The following ATP10B variants were observed in gnomAD, a reference collection of about 807,000 sequenced individuals.
The protein encoded by ATP10B is ATPase phospholipid transporting 10B (putative), also known as phospholipid-transporting ATPase VB.
A neutral mutation model predicts 141.2 loss-of-function variants in ATP10B; 122 were observed. That is an observed-to-expected ratio of 0.86 (90% confidence interval 0.75 to 1.00). The LOEUF (loss-of-function observed/expected upper bound fraction) is 1.00. Ranked by LOEUF, ATP10B falls within the 50% of genes least tolerant of loss-of-function variation. The pLI is 0.00. For missense variants in ATP10B, 1,876 were observed against 1,825.3 expected (o/e 1.03, Z -0.51); for synonymous variants, 685 against 692.0 (o/e 0.99, Z 0.16).
At chr5:160,684,845 T>C (rs1190116196) in intron 6 of ATP10B, 1 of 696,726 alleles carries the variant, frequency 1.4e-6, no homozygotes. Flanking sequence ...CTGCTGTAGA[T>C]GAGGCACTCT....
intron 1 of ATP10B, among the ~76,000 whole-genome samples, chr5:160,814,268 A>C (rs1410159798): frequency 6.6e-6 from 1 of 152,212 alleles, no homozygotes; most frequent in Non-Finnish European, 1.5e-5. Context: ...AACTAGAATA[A>C]CCAATGCAGA....
chr5:160,776,145 G>T (rs1026719318), intron 2 of ATP10B, among the ~76,000 whole-genome samples: 1 of 152,170 alleles, frequency 6.6e-6, no homozygotes, highest in African/African-American at 2.4e-5. Flanking sequence ...GGATTTGATG[G>T]TATCATATCA....
chr5:160,817,219 G>T (rs922852081), intron 1 of ATP10B, among the ~76,000 whole-genome samples: 9 of 152,214 alleles, frequency 5.9e-5, no homozygotes, highest in Admixed American at 1.3e-4. Context: ...AATGGTCCCT[G>T]TTTGCAGATG....
In ATP10B at chr5:160,641,830, C is replaced by T. The variant is rs902967165; in HGVS notation, c.869-1238G>A. Reference sequence around the variant, plus strand: ...AGCAAACGGCTTTTATGCTGTTTAGCTGGTTGTCTTGTGGATTTAAAGTAG... The same window carrying T: ...AGCAAACGGCTTTTATGCTGTTTAGTTGGTTGTCTTGTGGATTTAAAGTAG... On this transcript the variant is annotated intron_variant, in intron 9 of 25. Transcript: ENST00000327245. Among the ~76,000 whole-genome samples the T allele has an allele frequency of 2.0e-5, 3 of 152,216 alleles. No individual in the cohort carries two copies. In the South Asian group the frequency reaches 6.2e-4, roughly 32 times the overall value.
At chr5:160,724,553 CTTAG>C (rs1481060093) in intron 2 of ATP10B, among the ~76,000 whole-genome samples, 1 of 152,162 alleles carries the variant, frequency 6.6e-6, no homozygotes, top group Non-Finnish European at 1.5e-5. Flanking sequence ...ATTTGTATCC[CTTAG>C]TTACTCTGCA....
chr5:160,891,060 A>G, the ATP10B span, among the ~76,000 whole-genome samples: 1 of 152,082 alleles, frequency 6.6e-6, no homozygotes, highest in Non-Finnish European at 1.5e-5. Context: ...ATTCTTTTGC[A>G]TGTATACTAA....
chr5:160,632,461 T>G, intron 12 of ATP10B, 94 bp from the exon 13 acceptor site: 4 of 1,191,492 alleles, frequency 3.4e-6, no homozygotes, highest in Non-Finnish European at 4.9e-6. Flanking sequence ...GGTAAGAGCA[T>G]GGGAAGGGCC....
the ATP10B span, among the ~76,000 whole-genome samples, chr5:160,860,009 G>A: frequency 6.6e-6 from 1 of 151,926 alleles, no homozygotes; most frequent in East Asian, 1.9e-4. Flanking sequence ...ATGAATAAAT[G>A]TATATTACTC....
chr5:160,673,538 T>C (rs2033460), intron 6 of ATP10B, among the ~76,000 whole-genome samples: 1 of 31,008 alleles, frequency 3.2e-5, no homozygotes, highest in Non-Finnish European at 7.2e-5. Flanking sequence ...GTTTTGTTTT[T>C]TTTTTTTTTT....
At chr5:160,913,481 A>C in the ATP10B span, among the ~76,000 whole-genome samples, 3 of 152,138 alleles carry the variant, frequency 2.0e-5, no homozygotes, top group Non-Finnish European at 4.4e-5. Context: ...CATCATATTC[A>C]TATTCCTAGT....
rs1024534194 is a variant in ATP10B, at chr5:160,851,974, C to T, written c.-609G>A. ...AGCTGACGTCCCTATTGAGCAGACT[C>T]CAGTAGAAGAAAACAGTGCTTGAAA... On this transcript the variant is annotated 5_prime_UTR_variant, in exon 1 of 26. Transcript: ENST00000327245. The T allele has an allele frequency of 6.6e-6, 1 of 152,160 alleles. No homozygotes were observed. Among genetic ancestry groups the T allele is most frequent in the Non-Finnish European group, 1.5e-5 (1 of 68,028 alleles). The allele number at this position is 152,160 out of a possible 1,614,324, so 9.4% of individuals were successfully genotyped here.
At chr5:160,899,815 A>C in the ATP10B span, among the ~76,000 whole-genome samples, 1 of 152,098 alleles carries the variant, frequency 6.6e-6, no homozygotes, top group East Asian at 1.9e-4. Context: ...CAGTGGATAT[A>C]ATGTATCTCA....
At chr5:160,841,823 C>T (rs1026783309) in intron 1 of ATP10B, among the ~76,000 whole-genome samples, 1 of 152,180 alleles carries the variant, frequency 6.6e-6, no homozygotes. Context: ...CTCCTGGGCA[C>T]AAGCGATTCT....
intron 1 of ATP10B, among the ~76,000 whole-genome samples, chr5:160,843,676 A>T (rs887978027): frequency 2.0e-5 from 3 of 152,168 alleles, no homozygotes; most frequent in Non-Finnish European, 4.4e-5. Flanking sequence ...ATATTTAAAA[A>T]GTTTTGATCA....
chr5:160,838,067 T>C (rs1775570747), intron 1 of ATP10B, among the ~76,000 whole-genome samples: 1 of 152,168 alleles, frequency 6.6e-6, no homozygotes, highest in Non-Finnish European at 1.5e-5. Context: ...AGTTGTCTTT[T>C]CATCTGGCAA....
chr5:160,918,952 G>A, the ATP10B span, among the ~76,000 whole-genome samples: 856 of 152,160 alleles, frequency 5.6e-3, 13 homozygotes, highest in African/African-American at 0.019. Flanking sequence ...TGGGCCGGGC[G>A]CGGTGGCTCA....
chr5:160,792,321 C>A (rs1269562319), intron 1 of ATP10B, among the ~76,000 whole-genome samples: 1 of 152,118 alleles, frequency 6.6e-6, no homozygotes, highest in Non-Finnish European at 1.5e-5. Context: ...GATCTTGTTC[C>A]CCAGTATCCA....
At chr5:160,750,956 G>C (rs1303077367) in intron 2 of ATP10B, among the ~76,000 whole-genome samples, 1 of 152,252 alleles carries the variant, frequency 6.6e-6, no homozygotes, top group South Asian at 2.1e-4. Flanking sequence ...TTCTAGCATA[G>C]ACATTTCCTA....
intron 6 of ATP10B, among the ~76,000 whole-genome samples, chr5:160,682,091 C>G (rs1236189259): frequency 1.3e-5 from 2 of 152,218 alleles, no homozygotes; most frequent in African/African-American, 2.4e-5. Context: ...AATTACCTAT[C>G]TGGTCCCTGT....
Sources: gnomAD v4.1 joint callset for allele counts (sites outside exome capture counted in the v4.1 genomes callset) on GRCh38, gnomAD v4.1.1 for gene constraint, MANE v1.5 for transcripts, NCBI Gene and HGNC (gene_info 2026-07-23, HGNC 2026-07-21) for gene names.